Variants in CSMD3 observed in about 807,000 individuals in gnomAD.
CSMD3 encodes CUB and sushi domain-containing protein 3.
CSMD3 carries 177 observed loss-of-function variants against 435.2 expected under a neutral mutation model. The ratio of observed to expected loss-of-function variants is 0.41; its 90% CI spans 0.36 to 0.46. CSMD3 has a LOEUF of 0.46. CSMD3 is among the 20% of genes least tolerant of loss of function. The pLI, the probability that CSMD3 is intolerant of heterozygous loss-of-function variation, is 0.34. For missense variants in CSMD3, 4,265 were observed against 4,504.6 expected (o/e 0.95, Z 1.52); for synonymous variants, 1,656 against 1,520.5 (o/e 1.09, Z -2.07).
chr8:113,205,511 G>A (rs2092760900), intron 3 of CSMD3, among the ~76,000 whole-genome samples: 1 of 152,104 alleles, frequency 6.6e-6, no homozygotes, highest in Non-Finnish European at 1.5e-5. Flanking sequence ...TGTGTAGTAG[G>A]CGATACCATC....
intron 4 of CSMD3, among the ~76,000 whole-genome samples, chr8:113,111,114 A>G (rs931969307): frequency 1.3e-5 from 2 of 152,124 alleles, no homozygotes; most frequent in South Asian, 4.1e-4. Flanking sequence ...GGGGAACATA[A>G]ATTTAGACCA....
chr8:113,077,442 C>T (rs1012808996), intron 5 of CSMD3, among the ~76,000 whole-genome samples: 1 of 152,162 alleles, frequency 6.6e-6, no homozygotes, highest in Non-Finnish European at 1.5e-5. Context: ...TGGCTCACGC[C>T]TGTAATCCCA....
intron 3 of CSMD3, among the ~76,000 whole-genome samples, chr8:113,224,610 T>C (rs1455665916): frequency 6.6e-6 from 1 of 151,280 alleles, no homozygotes; most frequent in Non-Finnish European, 1.5e-5. Context: ...AATATGTTAT[T>C]ACATGGATAT....
At chr8:112,265,148 T>C (rs555256367) in intron 60 of CSMD3, among the ~76,000 whole-genome samples, 7 of 152,124 alleles carry the variant, frequency 4.6e-5, no homozygotes, top group African/African-American at 1.4e-4. Context: ...ATGGTGAATA[T>C]GGACATAATA....
At chr8:112,709,580 G>A (rs2076568508) in intron 13 of CSMD3, among the ~76,000 whole-genome samples, 2 of 151,972 alleles carry the variant, frequency 1.3e-5, no homozygotes, top group African/African-American at 2.4e-5. Flanking sequence ...AATTGAGAAA[G>A]AAAAGAGTTT....
chr8:112,977,954 A>G (rs1300992367), intron 6 of CSMD3, among the ~76,000 whole-genome samples: 1 of 152,040 alleles, frequency 6.6e-6, no homozygotes, highest in Non-Finnish European at 1.5e-5. Context: ...AATTGAACTC[A>G]TGGTAAACTG....
At chr8:112,573,455 T>G (rs1441634747) in intron 24 of CSMD3, 46 bp downstream of exon 24, 1 of 1,452,330 alleles carries the variant, frequency 6.9e-7, no homozygotes. Flanking sequence ...TTAATATACA[T>G]GCAGCACCCC....
chr8:113,208,131 T>A (rs528553152), intron 3 of CSMD3, among the ~76,000 whole-genome samples: 26 of 152,296 alleles, frequency 1.7e-4, no homozygotes, highest in African/African-American at 6.3e-4. Flanking sequence ...CAAAATAATA[T>A]AATTGAATGA....
At chr8:112,450,253 T>A (rs1816107291) in intron 32 of CSMD3, among the ~76,000 whole-genome samples, 1 of 152,182 alleles carries the variant, frequency 6.6e-6, no homozygotes, top group Non-Finnish European at 1.5e-5. Context: ...AGGCTGTGTA[T>A]AAATTTAAGA....
intron 23 of CSMD3, among the ~76,000 whole-genome samples, chr8:112,583,370 T>A (rs531518749): frequency 6.6e-6 from 1 of 152,114 alleles, no homozygotes; most frequent in South Asian, 2.1e-4. Context: ...AGAAACTGGA[T>A]CTTATCACAG....
In CSMD3 at chr8:113,147,954, C is replaced by T. The variant is rs73342288; in HGVS notation, c.709+25768G>A. On this transcript the variant is annotated intron_variant, in intron 4 of 70. Coordinates refer to ENST00000297405, the MANE Select transcript of CSMD3 (RefSeq NM_198123.2). ...AGAACACTACATCACTTCCTCCCAG[C>T]CCCTAGTTCCCTGTATTCTTGGTCA... Among the ~76,000 whole-genome samples the T allele has an allele frequency of 3.5e-3, 538 of 151,804 alleles. 3 individuals are homozygous for T. Among genetic ancestry groups the T allele is most frequent in the African/African-American group, 0.012 (502 of 41,474 alleles).
intron 2 of CSMD3, among the ~76,000 whole-genome samples, chr8:113,279,188 G>T (rs1209290399): frequency 1.3e-5 from 2 of 149,674 alleles, no homozygotes; most frequent in Non-Finnish European, 3.0e-5. Flanking sequence ...AACATAGTAT[G>T]AGATATTATA....
At chr8:112,621,149 C>T (rs907214257) in intron 22 of CSMD3, among the ~76,000 whole-genome samples, 1 of 152,032 alleles carries the variant, frequency 6.6e-6, no homozygotes, top group Non-Finnish European at 1.5e-5. Flanking sequence ...GCAGGAGAAT[C>T]GCTTGAACCT....
In CSMD3 at chr8:112,685,530, T is replaced by A. The variant is rs1328250654; in HGVS notation, c.2358A>T (p.Pro786=). 6.2e-7 allele frequency: 1 copy of A among 1,613,996 alleles called. No individual in the cohort carries two copies. The highest frequency in any genetic ancestry group is 8.5e-7 in the Non-Finnish European group (1 of 1,179,930). Residue 786 remains proline, a synonymous_variant, in exon 15 of 71, where the codon CCA becomes CCT. Transcript: ENST00000297405. ...AVKDGDSPES[P]ILGTFTGAEV... ...CAGCCCCAGTAAAGGTTCCAAGAAT[T>A]GGGGATTCTGGAGAGTCACCATCTT...
At chr8:113,018,759 C>T (rs923310215) in intron 6 of CSMD3, 14 of 318,574 alleles carry the variant, frequency 4.4e-5, no homozygotes, top group Middle Eastern at 9.8e-4. Context: ...CAGTGATTTG[C>T]GGTACAACTT....
chr8:112,248,701 G>T (rs539870297), intron 63 of CSMD3, among the ~76,000 whole-genome samples: 1 of 152,198 alleles, frequency 6.6e-6, no homozygotes, highest in South Asian at 2.1e-4. Context: ...GATTCCATTT[G>T]AAACTTCAGA....
At chr8:112,450,946 A>T (rs867902443) in intron 32 of CSMD3, among the ~76,000 whole-genome samples, 4 of 152,222 alleles carry the variant, frequency 2.6e-5, no homozygotes, top group Non-Finnish European at 5.9e-5. Context: ...CATCAAATAC[A>T]TATATAAACA....
intron 21 of CSMD3, among the ~76,000 whole-genome samples, chr8:112,638,169 GAAT>G (rs1490709243): frequency 1.4e-5 from 2 of 144,668 alleles, no homozygotes; most frequent in Non-Finnish European, 3.0e-5. Context: ...TCTAATTCCA[GAAT>G]AATAAATTAC....
rs564853926 is a variant in CSMD3, at chr8:112,450,500, TAAC to T, written c.5395+22088_5395+22090del. On this transcript the variant is annotated intron_variant, in intron 32 of 70. Transcript: ENST00000297405. ...TACTTGGCACATGTAGTATGTAAAT[TAAC>T]AACATGTCATCTGATTCATACATCA... is the stretch of plus-strand genomic sequence containing the variant. Among the ~76,000 whole-genome samples, 12 of 152,262 alleles carry T rather than the reference TAAC, an allele frequency of 7.9e-5. No homozygotes were observed. The East Asian group carries it at 2.1e-3, about 27-fold the overall frequency.
Sources: gnomAD v4.1 joint callset for allele counts (sites outside exome capture counted in the v4.1 genomes callset) on GRCh38, gnomAD v4.1.1 for gene constraint, MANE v1.5 for transcripts, NCBI Gene and HGNC (gene_info 2026-07-23, HGNC 2026-07-21) for gene names.